HELB: variants seen among roughly 807,000 people sequenced by gnomAD.
HELB encodes DNA helicase B, also known as DNA 5'-3' helicase B.
In HELB, 96 loss-of-function variants were observed where a neutral mutation model predicts 101.7. The observed-to-expected ratio is 0.94, with a 90% CI of 0.80 to 1.12. The LOEUF (loss-of-function observed/expected upper bound fraction) is 1.12, where lower values mean the gene tolerates loss of function less well. Ranked by LOEUF, HELB falls within the 50% of genes most tolerant of loss-of-function variation. HELB has a pLI of 0.00. For missense variants in HELB, 1,210 were observed against 1,291.9 expected, an observed-to-expected ratio of 0.94 and a Z score of 0.97; for synonymous variants, 437 against 459.7, an observed-to-expected ratio of 0.95 and a Z score of 0.63.
At chr12:66,324,390 CCTGT>C in intron 10 of HELB, 179 bp downstream of exon 10, 1 of 562,816 alleles carries the variant, frequency 1.8e-6, no homozygotes. Flanking sequence ...CTGGTAATGT[CCTGT>C]CTGGCTTTAA....
At chr12:66,320,532 A>C (rs1388582128) in intron 7 of HELB, among the ~76,000 whole-genome samples, 2 of 152,156 alleles carry the variant, frequency 1.3e-5, no homozygotes, top group Non-Finnish European at 2.9e-5. Flanking sequence ...TTTCTTTGCC[A>C]CTTCACTTAA....
intron 1 of HELB, among the ~76,000 whole-genome samples, chr12:66,303,673 C>G (rs1206997849): frequency 1.3e-5 from 2 of 152,138 alleles, no homozygotes; most frequent in African/African-American, 4.8e-5. Flanking sequence ...AAAAACGAAA[C>G]ACAAGGAACA....
Position 66,310,482 on chromosome 12 carries a change from T to C in HELB, c.1554T>C (p.Ile518=), listed in dbSNP as rs1565636934. 3 of 1,614,080 alleles carry C rather than the reference T, an allele frequency of 1.9e-6. No homozygotes were observed. In the East Asian group the frequency reaches 6.7e-5, roughly 36 times the overall value. ...ACCAGAATGCTTCAGAAGAATGGAT[T>C]ACCTTTACTGAGCAAAGTCAACTAG... ...EQDQNASEEW[I]TFTEQSQLEA... is the part of the protein sequence containing the mutation. The change falls in exon 4 of 13, where the codon ATT becomes ATC. Residue 518 remains isoleucine, a synonymous_variant. Transcript: ENST00000247815.
intron 12 of HELB, among the ~76,000 whole-genome samples, chr12:66,334,804 T>C (rs1054684203): frequency 1.3e-5 from 2 of 151,876 alleles, no homozygotes; most frequent in South Asian, 4.2e-4. Flanking sequence ...AATAAATACA[T>C]ACATACAAAA....
downstream of HELB, chr12:66,343,176 A>C (rs2053930076): frequency 6.6e-6 from 1 of 152,226 alleles, no homozygotes; most frequent in African/African-American, 2.4e-5. Context: ...TTCTGCAAAG[A>C]AGCAAACTGG....
At chr12:66,308,842 A>G (rs1278924621) in intron 3 of HELB, among the ~76,000 whole-genome samples, 2 of 152,048 alleles carry the variant, frequency 1.3e-5, no homozygotes, top group African/African-American at 4.8e-5. Flanking sequence ...CATTCTGAGG[A>G]TATTGGGGGT....
chr12:66,322,412 A>G (rs2053680528), intron 8 of HELB, among the ~76,000 whole-genome samples: 1 of 151,704 alleles, frequency 6.6e-6, no homozygotes, highest in Non-Finnish European at 1.5e-5. Context: ...TAAAAATACA[A>G]AAATTAGCCA....
In HELB at chr12:66,310,327, TC is replaced by T. The variant is rs771016584; in HGVS notation, c.1401del (p.Asn468IlefsTer3). On this transcript the variant is annotated frameshift_variant, in exon 4 of 13. Transcript: ENST00000247815. LOFTEE classifies it high-confidence loss of function. ...GGTGGCTGCTTTGGAAATGATTTGCTCCAATCCTGTGACAGTCATAAGTGGG... is the reference window on the plus strand; with the variant it reads ...GGTGGCTGCTTTGGAAATGATTTGCTCAATCCTGTGACAGTCATAAGTGGG... ...DQVAALEMIC[S>X]NPVTVISGKG... 6.2e-7 allele frequency: 1 copy of T among 1,614,092 alleles called. No homozygotes were observed. The highest frequency in any genetic ancestry group is 1.1e-5 in the South Asian group (1 of 91,080).
intron 5 of HELB, 42 bp from the exon 6 acceptor site, chr12:66,315,200 T>C: frequency 7.0e-7 from 1 of 1,438,420 alleles, no homozygotes; most frequent in Non-Finnish European, 9.3e-7. Context: ...GGGGTATTTT[T>C]TCTCAGAGTA....
intron 6 of HELB, among the ~76,000 whole-genome samples, chr12:66,316,967 C>A (rs570983020): frequency 1.4e-5 from 2 of 145,708 alleles, no homozygotes; most frequent in African/African-American, 5.2e-5. Context: ...TGCAGTGAGC[C>A]GAGATCATGC....
chr12:66,342,107 A>AT (rs2053922295), downstream of HELB: 1 of 152,052 alleles, frequency 6.6e-6, no homozygotes, highest in African/African-American at 2.4e-5. Flanking sequence ...ATTTACTACA[A>AT]TTTTTTCTTC....
intron 12 of HELB, among the ~76,000 whole-genome samples, chr12:66,336,137 T>A (rs551888991): frequency 3.9e-4 from 59 of 152,312 alleles, no homozygotes; most frequent in South Asian, 8.3e-4. Flanking sequence ...AACTTTTTTT[T>A]AAAAAATCAG....
chr12:66,324,910 G>C (rs2137008328), intron 10 of HELB, 73 bp from the exon 11 acceptor site: 1 of 1,555,404 alleles, frequency 6.4e-7, no homozygotes, highest in South Asian at 1.1e-5. Flanking sequence ...CCCAAAGATA[G>C]AATATCTTTG....
chr12:66,331,715 C>T (rs1310167381), intron 12 of HELB, 70 bp downstream of exon 12: 20 of 1,375,886 alleles, frequency 1.5e-5, no homozygotes, highest in Non-Finnish European at 2.0e-5. Flanking sequence ...TTATAAATGA[C>T]TGTGTGCTTT....
Position 66,331,161 on chromosome 12 carries a change from A to T in HELB, c.2678A>T (p.Glu893Val), listed in dbSNP as rs2053800696. 6.2e-7 allele frequency: 1 copy of T among 1,602,218 alleles called. No individual in the cohort carries two copies. The highest frequency in any genetic ancestry group is 1.7e-5 in the Admixed American group (1 of 58,778). The change falls in exon 12 of 13, where the codon GAG (glutamate) becomes GTG (valine). Residue 893 changes from glutamate (E) to valine (V), a missense_variant. Coordinates refer to ENST00000247815, the MANE Select transcript of HELB (RefSeq NM_001370285.1). The part of the protein sequence containing the change: ...ARTIHTFQGS[E>V]EQTVVYVVGK... ...CCATATTTTTCCTGCCAGGGGTCCG[A>T]GGAGCAAACAGTTGTCTATGTGGTG...
At position 66,302,603 on chromosome 12, in the gene HELB, C is replaced by G. The variant is rs779222877; in HGVS notation, c.-1C>G. On this transcript the variant is annotated 5_prime_UTR_variant, in exon 1 of 13. Transcript: ENST00000247815. The stretch of plus-strand genomic sequence containing the variant: ...TTGTTTGGGTTGAGTTCAGGAGAAG[C>G]ATGGCCAGGTCGAGTCCGTACCTGC... 6.2e-7 allele frequency: 1 copy of G among 1,612,636 alleles called. No individual in the cohort carries two copies. Among genetic ancestry groups the G allele is most frequent in the Non-Finnish European group, 8.5e-7 (1 of 1,178,786 alleles).
At chr12:66,308,532 G>A (rs1315040124) in intron 3 of HELB, among the ~76,000 whole-genome samples, 1 of 152,170 alleles carries the variant, frequency 6.6e-6, no homozygotes, top group African/African-American at 2.4e-5. Flanking sequence ...ACTGCTGACT[G>A]GTTGGCTTAA....
Position 66,304,719 on chromosome 12 carries a change from G to GA in HELB, c.188-12_188-11insA. The GA allele has an allele frequency of 6.4e-7, 1 of 1,555,268 alleles. No individual in the cohort carries two copies. Among genetic ancestry groups the GA allele is most frequent in the Non-Finnish European group, 8.7e-7 (1 of 1,152,732 alleles). On this transcript the variant is annotated splice_polypyrimidine_tract_variant and intron_variant, in intron 1 of 12. Coordinates refer to ENST00000247815, the MANE Select transcript of HELB (RefSeq NM_001370285.1). Reference sequence around the variant, plus strand: ...AGTTAACTTTTGTGGGTTTTTGTTTGTTTTTTTTTAGTTTCTATTTGTGAT... The same window carrying GA: ...AGTTAACTTTTGTGGGTTTTTGTTTGATTTTTTTTTAGTTTCTATTTGTGAT...
chr12:66,337,586 C>T (rs984611009), intron 12 of HELB, among the ~76,000 whole-genome samples: 15 of 150,400 alleles, frequency 1.0e-4, no homozygotes, highest in African/African-American at 3.2e-4. Flanking sequence ...GGGCAGGCAA[C>T]ATGGGCAGTC....
Sources: gnomAD v4.1 joint callset for allele counts (sites outside exome capture counted in the v4.1 genomes callset) on GRCh38, gnomAD v4.1.1 for gene constraint, MANE v1.5 for transcripts, NCBI Gene and HGNC (gene_info 2026-07-23, HGNC 2026-07-21) for gene names.